The following SLC23A2 variants were observed in gnomAD, a reference collection of about 807,000 sequenced individuals.
SLC23A2 encodes solute carrier family 23 member 2.
SLC23A2 carries 36 observed loss-of-function variants against 73.3 expected under a neutral mutation model. The observed-to-expected ratio is 0.49, with a 90% CI of 0.38 to 0.65. SLC23A2 has a LOEUF of 0.65. Among genes scored for constraint, SLC23A2 ranks in the 30% least tolerant of loss-of-function variants. SLC23A2 has a pLI of 0.00. For missense variants in SLC23A2, 507 were observed against 841.6 expected (o/e 0.60, Z 4.92); for synonymous variants, 343 against 327.3 (o/e 1.05, Z -0.52).
At chr20:4,916,324 G>A (rs952063043) in intron 3 of SLC23A2, among the ~76,000 whole-genome samples, 4 of 152,162 alleles carry the variant, frequency 2.6e-5, no homozygotes, top group African/African-American at 9.7e-5. Context: ...AATCATTAGA[G>A]AAACCTAGAT....
intron 2 of SLC23A2, among the ~76,000 whole-genome samples, chr20:4,941,822 T>C (rs2087047029): frequency 1.3e-5 from 2 of 152,128 alleles, no homozygotes; most frequent in South Asian, 4.1e-4. Context: ...AAAAAGTTAT[T>C]TCATAAGTGA....
At chr20:4,880,023 G>C (rs1469528614) in intron 9 of SLC23A2, among the ~76,000 whole-genome samples, 1 of 152,218 alleles carries the variant, frequency 6.6e-6, no homozygotes, top group Non-Finnish European at 1.5e-5. Flanking sequence ...GCTACCTGAA[G>C]ACATTTGAAC....
intron 2 of SLC23A2, among the ~76,000 whole-genome samples, chr20:4,969,789 C>T (rs1160584219): frequency 6.6e-6 from 1 of 152,052 alleles, no homozygotes; most frequent in Non-Finnish European, 1.5e-5. Flanking sequence ...ATGTGAAACA[C>T]TTGCGGCTTT....
chr20:4,980,640 C>G (rs2122263792), intron 1 of SLC23A2, among the ~76,000 whole-genome samples: 1 of 151,924 alleles, frequency 6.6e-6, no homozygotes, highest in Non-Finnish European at 1.5e-5. Context: ...AAGTGATCCT[C>G]CTGTGTCAGC....
intron 1 of SLC23A2, among the ~76,000 whole-genome samples, chr20:4,985,225 T>C (rs2087805674): frequency 6.6e-6 from 1 of 151,784 alleles, no homozygotes; most frequent in Non-Finnish European, 1.5e-5. Flanking sequence ...AGTAAAAAGA[T>C]GATCACACAA....
At chr20:4,911,958 C>A (rs1568620911) in intron 4 of SLC23A2, among the ~76,000 whole-genome samples, 1 of 151,876 alleles carries the variant, frequency 6.6e-6, no homozygotes, top group Non-Finnish European at 1.5e-5. Flanking sequence ...ATTCTCCTGC[C>A]CCTGAGTAGC....
At chr20:4,878,831 A>G (rs1225795823) in intron 9 of SLC23A2, among the ~76,000 whole-genome samples, 2 of 152,108 alleles carry the variant, frequency 1.3e-5, no homozygotes, top group South Asian at 2.1e-4. Flanking sequence ...TGCTCTGCCA[A>G]TGTCTACCCC....
chr20:4,999,890 T>C (rs547869832), intron 1 of SLC23A2, among the ~76,000 whole-genome samples: 1 of 152,112 alleles, frequency 6.6e-6, no homozygotes, highest in Non-Finnish European at 1.5e-5. Context: ...GAGAAATGCC[T>C]TGGTATTAAA....
Position 4,853,685 on chromosome 20 carries a change from T to C in SLC23A2, c.*3287A>G, listed in dbSNP as rs1929607523. The C allele has an allele frequency of 6.6e-6, 1 of 152,662 alleles. No homozygotes were observed. Among genetic ancestry groups the C allele is most frequent in the South Asian group, 2.1e-4 (1 of 4,834 alleles). 9.5% of individuals were successfully genotyped at this position (152,662 alleles called of 1,614,324 possible). A position where few individuals can be genotyped will look rare whatever the true frequency, so the allele number is the denominator to read the frequency against. Reference sequence around the variant, plus strand: ...AAGTTGTCATCATGAAAGTCGGTATTCTACAGCATAAAGCAAAACCTCTGT... The same window carrying C: ...AAGTTGTCATCATGAAAGTCGGTATCCTACAGCATAAAGCAAAACCTCTGT... On this transcript the variant is annotated 3_prime_UTR_variant, in exon 17 of 17. Transcript: ENST00000338244.
chr20:4,987,030 G>A (rs1372822294), intron 1 of SLC23A2, among the ~76,000 whole-genome samples: 2 of 152,038 alleles, frequency 1.3e-5, no homozygotes, highest in Non-Finnish European at 2.9e-5. Context: ...GTGGAGCTCC[G>A]CAGGGAAGGG....
intron 2 of SLC23A2, among the ~76,000 whole-genome samples, chr20:4,969,808 A>T (rs547022480): frequency 7.9e-5 from 12 of 152,144 alleles, no homozygotes; most frequent in Non-Finnish European, 1.5e-4. Flanking sequence ...TTTCTGAAGG[A>T]TAATTTACCT....
chr20:4,860,513 C>T (rs1405981827), intron 15 of SLC23A2, among the ~76,000 whole-genome samples: 1 of 152,190 alleles, frequency 6.6e-6, no homozygotes, highest in Non-Finnish European at 1.5e-5. Context: ...GAAGATCCAT[C>T]CAGGCATGAG....
At chr20:4,921,116 G>A (rs918538947) in intron 3 of SLC23A2, among the ~76,000 whole-genome samples, 2 of 152,120 alleles carry the variant, frequency 1.3e-5, no homozygotes, top group Non-Finnish European at 2.9e-5. Flanking sequence ...ACAATCCAAA[G>A]TCCCAATGCA....
intron 2 of SLC23A2, among the ~76,000 whole-genome samples, chr20:4,934,960 G>A (rs1332643549): frequency 1.3e-5 from 2 of 151,642 alleles, no homozygotes; most frequent in East Asian, 3.9e-4. Context: ...GGTGGAGGTG[G>A]GCAGATCACA....
chr20:4,866,005 G>A (rs1035802687), intron 13 of SLC23A2, among the ~76,000 whole-genome samples: 1 of 151,894 alleles, frequency 6.6e-6, no homozygotes, highest in Non-Finnish European at 1.5e-5. Context: ...GCTAATTTTT[G>A]TGTTTTTAGT....
chr20:4,993,410 G>GAAAAAAAAAAAAAAAAAAAA (rs3055956), intron 1 of SLC23A2, among the ~76,000 whole-genome samples: 2 of 121,532 alleles, frequency 1.6e-5, no homozygotes, highest in Non-Finnish European at 3.4e-5. Flanking sequence ...GCCAAAATCC[G>GAAAAAAAAAAAAAAAAAAAA]AAAAAAAAAA....
At chr20:4,968,570 A>G (rs1231206427) in intron 2 of SLC23A2, among the ~76,000 whole-genome samples, 1 of 152,220 alleles carries the variant, frequency 6.6e-6, no homozygotes, top group Non-Finnish European at 1.5e-5. Flanking sequence ...GAAAATGCCA[A>G]TGAGAAAAAT....
chr20:4,983,898 G>A (rs1206944364), intron 1 of SLC23A2, among the ~76,000 whole-genome samples: 1 of 151,680 alleles, frequency 6.6e-6, no homozygotes, highest in Non-Finnish European at 1.5e-5. Context: ...GGAGGTTGCA[G>A]TGAGCCAAGA....
intron 4 of SLC23A2, among the ~76,000 whole-genome samples, chr20:4,910,094 C>T (rs879876169): frequency 5.9e-5 from 9 of 151,464 alleles, no homozygotes; most frequent in African/African-American, 1.7e-4. Flanking sequence ...TACTTTTGGC[C>T]GGGTATGGTG....
Sources: gnomAD v4.1 joint callset for allele counts (sites outside exome capture counted in the v4.1 genomes callset) on GRCh38, gnomAD v4.1.1 for gene constraint, MANE v1.5 for transcripts, NCBI Gene and HGNC (gene_info 2026-07-23, HGNC 2026-07-21) for gene names.